ZYG11B: variants seen among roughly 807,000 people sequenced by gnomAD.
ZYG11B encodes protein zyg-11 homolog B.
ZYG11B carries 36 observed loss-of-function variants against 82.4 expected under a neutral mutation model. The ratio of observed to expected loss-of-function variants is 0.44; its 90% CI spans 0.33 to 0.58. The LOEUF (loss-of-function observed/expected upper bound fraction) is 0.58. Among genes scored for constraint, ZYG11B ranks in the 20% least tolerant of loss-of-function variants. ZYG11B has a pLI of 0.02. For synonymous variants in ZYG11B, 303 were observed against 312.8 expected, an observed-to-expected ratio of 0.97 and a Z score of 0.33; for missense variants, 552 against 895.6, an observed-to-expected ratio of 0.62 and a Z score of 4.90.
Position 52,738,985 on chromosome 1 carries a change from C to CTTCTTCTTTT in ZYG11B, c.30+12304_30+12305insCTTCTTTTTT, listed in dbSNP as rs1247210990. 1.4e-4 allele frequency among the ~76,000 whole-genome samples: 15 copies of CTTCTTCTTTT among 106,282 alleles called. 1 individual carries two copies. Among genetic ancestry groups the CTTCTTCTTTT allele is most frequent in the African/African-American group, 5.6e-4 (14 of 25,192 alleles). The allele number at this position is 106,282 out of a possible 152,430, so 69.7% of individuals were successfully genotyped here. A position where few individuals can be genotyped will look rare whatever the true frequency, so the allele number is the denominator to read the frequency against. Reference sequence around the variant, plus strand: ...ATTTTCATTTCATAGGCCCTGTAACCTTTTTTTTTTTTTGGAGACAGAGTC... The same window carrying CTTCTTCTTTT: ...ATTTTCATTTCATAGGCCCTGTAACCTTCTTCTTTTTTTTTTTTTTTTTGGAGACAGAGTC... On this transcript the variant is annotated intron_variant, in intron 1 of 13. Coordinates refer to ENST00000294353, the MANE Select transcript of ZYG11B (RefSeq NM_024646.3).
chr1:52,803,274 A>C (rs1645108635), intron 10 of ZYG11B, among the ~76,000 whole-genome samples: 1 of 111,426 alleles, frequency 9.0e-6, no homozygotes, highest in Non-Finnish European at 1.8e-5. Flanking sequence ...ATACACACAC[A>C]CACACATATA....
intron 2 of ZYG11B, among the ~76,000 whole-genome samples, chr1:52,760,464 C>A (rs892209544): frequency 7.9e-5 from 12 of 151,818 alleles, no homozygotes; most frequent in South Asian, 4.1e-4. Context: ...ACAACAACAA[C>A]AAAAACAAAA....
chr1:52,797,497 A>G (rs1432447834), intron 8 of ZYG11B, among the ~76,000 whole-genome samples: 2 of 75,866 alleles, frequency 2.6e-5, no homozygotes, highest in Non-Finnish European at 6.5e-5. Flanking sequence ...TATGTATAAT[A>G]TATAAAAATA....
chr1:52,813,087 G>T (rs1255526527), intron 10 of ZYG11B, among the ~76,000 whole-genome samples: 3 of 152,120 alleles, frequency 2.0e-5, no homozygotes, highest in Non-Finnish European at 4.4e-5. Flanking sequence ...TTATTATAAG[G>T]TCTCTTGAGT....
In ZYG11B at chr1:52,783,568, G is replaced by A. The variant is rs1644874818; in HGVS notation, c.1093-1309G>A. Among the ~76,000 whole-genome samples, 4 of 150,700 alleles carry A rather than the reference G, an allele frequency of 2.7e-5. No individual in the cohort carries two copies. In the South Asian group the frequency reaches 8.4e-4, roughly 32 times the overall value. ...GTAAGTAGGATACATGTGGTAATGA[G>A]AATCTGAAGTTCTTTTCTGGTTGCT... is the stretch of plus-strand genomic sequence containing the variant. On this transcript the variant is annotated intron_variant, in intron 4 of 13. Transcript: ENST00000294353.
intron 8 of ZYG11B, among the ~76,000 whole-genome samples, chr1:52,798,790 A>G (rs910723040): frequency 2.0e-5 from 3 of 152,182 alleles, no homozygotes; most frequent in Admixed American, 2.0e-4. Flanking sequence ...GAAAACTTTA[A>G]ACAGCTTTAA....
chr1:52,737,967 G>T (rs1308247444), intron 1 of ZYG11B, among the ~76,000 whole-genome samples: 1 of 152,198 alleles, frequency 6.6e-6, no homozygotes, highest in Non-Finnish European at 1.5e-5. Context: ...TGGCACTTTT[G>T]ACCTAGGATA....
At chr1:52,797,163 TTA>T (rs1379015430) in intron 8 of ZYG11B, among the ~76,000 whole-genome samples, 252 of 70,366 alleles carry the variant, frequency 3.6e-3, no homozygotes, top group Non-Finnish European at 4.7e-3. Flanking sequence ...TATTTATATA[TTA>T]TATATTATAT....
At chr1:52,768,151 A>T (rs1346179502) in intron 2 of ZYG11B, among the ~76,000 whole-genome samples, 1 of 152,098 alleles carries the variant, frequency 6.6e-6, no homozygotes, top group African/African-American at 2.4e-5. Context: ...ACTGTCTACT[A>T]GCTGTTTCCT....
At chr1:52,730,335 TA>T (rs1234964931) in intron 1 of ZYG11B, among the ~76,000 whole-genome samples, 2 of 152,208 alleles carry the variant, frequency 1.3e-5, no homozygotes, top group Non-Finnish European at 2.9e-5. Flanking sequence ...TGTATTTATT[TA>T]TTTATTTTGA....
intron 1 of ZYG11B, among the ~76,000 whole-genome samples, chr1:52,732,570 A>G (rs4926573): frequency 6.6e-6 from 1 of 152,118 alleles, no homozygotes; most frequent in Non-Finnish European, 1.5e-5. Flanking sequence ...CACTGTGATT[A>G]CAGAGGTTAA....
rs2149971504 is a variant in ZYG11B, at chr1:52,824,854, T to C, written c.*3225T>C. On this transcript the variant is annotated 3_prime_UTR_variant, in exon 14 of 14. Coordinates refer to ENST00000294353, the MANE Select transcript of ZYG11B (RefSeq NM_024646.3). ...GTTAGAATCTACAAGGCCTCCTTTT[T>C]GCACCTGTAGACTAGAATATAACTG... The C allele has an allele frequency of 6.6e-6, 1 of 152,234 alleles. No individual in the cohort carries two copies. Among genetic ancestry groups the C allele is most frequent in the South Asian group, 2.1e-4 (1 of 4,818 alleles). 9.4% of individuals were successfully genotyped at this position (152,234 alleles called of 1,614,324 possible).
At chr1:52,785,454 G>A (rs1404054143) in intron 5 of ZYG11B, among the ~76,000 whole-genome samples, 1 of 152,064 alleles carries the variant, frequency 6.6e-6, no homozygotes, top group Non-Finnish European at 1.5e-5. Context: ...TACTAAAAAT[G>A]TTGCTTAATT....
chr1:52,741,774 A>T (rs1296248156), intron 1 of ZYG11B, among the ~76,000 whole-genome samples: 3 of 152,108 alleles, frequency 2.0e-5, no homozygotes, highest in African/African-American at 7.2e-5. Context: ...AATTTATTTA[A>T]TTCTGGCAAC....
intron 8 of ZYG11B, among the ~76,000 whole-genome samples, chr1:52,799,290 A>G (rs1645055162): frequency 6.6e-6 from 1 of 152,070 alleles, no homozygotes. Context: ...GATCGAGACC[A>G]TCCTGGCTAA....
chr1:52,793,900 C>CTTCCTTCCTTCCTTCCTTCCTTCCTTCCT (rs1553261655), intron 6 of ZYG11B, among the ~76,000 whole-genome samples: 2 of 143,232 alleles, frequency 1.4e-5, no homozygotes, highest in African/African-American at 5.2e-5. Context: ...TCCTTCCTTC[C>CTTCCTTCCTTCCTTCCTTCCTTCCTTCCT]TTTCTTTCCT....
At chr1:52,789,385 T>A (rs890179400) in intron 5 of ZYG11B, among the ~76,000 whole-genome samples, 9 of 152,214 alleles carry the variant, frequency 5.9e-5, no homozygotes, top group African/African-American at 1.7e-4. Flanking sequence ...TAGTAGTATA[T>A]ACACTGTGAC....
At position 52,770,851 on chromosome 1, in the gene ZYG11B, A is replaced by G. The variant is rs1045641977; in HGVS notation, c.197-169A>G. Reference sequence around the variant, plus strand: ...CTTGGAAAGCCACTCTCTGAGCCCCAGTTTACTCATCTACAAGTTGTAAAC... The same window carrying G: ...CTTGGAAAGCCACTCTCTGAGCCCCGGTTTACTCATCTACAAGTTGTAAAC... On this transcript the variant is annotated intron_variant, in intron 2 of 13. Transcript: ENST00000294353. Among the ~76,000 whole-genome samples, 16 of 152,310 alleles carry G rather than the reference A, an allele frequency of 1.1e-4. No individual in the cohort carries two copies. In the South Asian group the frequency reaches 1.2e-3, roughly 12 times the overall value.
chr1:52,796,781 C>G lies in ZYG11B; in HGVS notation c.1482C>G (p.Val494=). The change falls in exon 8 of 14, where the codon GTC becomes GTG. Residue 494 remains valine (V), a synonymous_variant. Transcript: ENST00000294353. ...TAQLGTELFI[V]RQLLQIVKQK... ...AGCTTGGTACTGAGCTCTTCATTGTCAGGGTAAGTCTATAATCTCCTCCAT... is the reference window on the plus strand; with the variant it reads ...AGCTTGGTACTGAGCTCTTCATTGTGAGGGTAAGTCTATAATCTCCTCCAT... The G allele has an allele frequency of 6.4e-7, 1 of 1,558,288 alleles. No individual in the cohort carries two copies. Among genetic ancestry groups the G allele is most frequent in the Non-Finnish European group, 8.7e-7 (1 of 1,155,432 alleles).
Sources: gnomAD v4.1 joint callset for allele counts (sites outside exome capture counted in the v4.1 genomes callset) on GRCh38, gnomAD v4.1.1 for gene constraint, MANE v1.5 for transcripts, NCBI Gene and HGNC (gene_info 2026-07-23, HGNC 2026-07-21) for gene names.